Variants in NAV2 observed in about 807,000 individuals in gnomAD.
NAV2 encodes the protein helicase, APC down-regulated 1.
Under a neutral mutation model 223.2 loss-of-function variants are expected in NAV2, and 54 were observed. The ratio of observed to expected loss-of-function variants is 0.24; its 90% CI spans 0.19 to 0.30. The LOEUF is 0.30. NAV2 is among the 10% of genes least tolerant of loss of function. The pLI is 1.00. For synonymous variants in NAV2, 1,279 were observed against 1,239.3 expected (o/e 1.03, Z -0.67); for missense variants, 2,806 against 3,147.5 (o/e 0.89, Z 2.60).
intron 11 of NAV2, among the ~76,000 whole-genome samples, chr11:19,995,680 A>G (rs956458479): frequency 7.9e-5 from 12 of 152,162 alleles, no homozygotes; most frequent in African/African-American, 2.4e-4. Flanking sequence ...GACTTTTCTG[A>G]TGCTTTGGAG....
At chr11:19,485,336 T>A (rs2042407304) in intron 1 of NAV2, among the ~76,000 whole-genome samples, 2 of 152,140 alleles carry the variant, frequency 1.3e-5, no homozygotes, top group African/African-American at 4.8e-5. Flanking sequence ...TGACTTGAGA[T>A]ATCCAACTGG....
intron 1 of NAV2, among the ~76,000 whole-genome samples, chr11:19,758,593 T>G (rs7125983): frequency 0.98 from 148,821 of 152,314 alleles, 72,791 homozygotes; most frequent in East Asian, 1. Context: ...CCCAGGTGAC[T>G]CAGGGAAGGG....
At chr11:19,725,888 T>C (rs144477020) in intron 1 of NAV2, among the ~76,000 whole-genome samples, 2 of 152,354 alleles carry the variant, frequency 1.3e-5, no homozygotes, top group African/African-American at 4.8e-5. Flanking sequence ...CTCGCTACAT[T>C]CCATTGCTGT....
At chr11:19,461,798 TG>T (rs1165817922) in intron 1 of NAV2, among the ~76,000 whole-genome samples, 1 of 152,254 alleles carries the variant, frequency 6.6e-6, no homozygotes, top group African/African-American at 2.4e-5. Flanking sequence ...GAATGTTTTA[TG>T]AACCTTATAT....
intron 11 of NAV2, among the ~76,000 whole-genome samples, chr11:20,007,376 A>T (rs1591636060): frequency 6.6e-6 from 1 of 152,240 alleles, no homozygotes; most frequent in East Asian, 1.9e-4. Context: ...GACTCTGTTC[A>T]TATGCCCAGG....
At chr11:19,801,622 A>C (rs957424632) in intron 1 of NAV2, among the ~76,000 whole-genome samples, 2 of 152,044 alleles carry the variant, frequency 1.3e-5, no homozygotes, top group Non-Finnish European at 2.9e-5. Context: ...CCAGGCTAAC[A>C]CCATTGGGGA....
At chr11:19,618,032 A>C (rs1403969792) in intron 1 of NAV2, among the ~76,000 whole-genome samples, 2 of 152,160 alleles carry the variant, frequency 1.3e-5, no homozygotes, top group African/African-American at 2.4e-5. Flanking sequence ...TTTTTCCCTT[A>C]GTCATCATCT....
chr11:20,026,820 C>T (rs1289612143), intron 11 of NAV2, among the ~76,000 whole-genome samples: 2 of 152,212 alleles, frequency 1.3e-5, no homozygotes, highest in Non-Finnish European at 2.9e-5. Flanking sequence ...TTTCTCCAAT[C>T]CTCAATTGCC....
chr11:19,812,410 A>G (rs1471589488), intron 1 of NAV2, among the ~76,000 whole-genome samples: 3 of 151,840 alleles, frequency 2.0e-5, no homozygotes, highest in African/African-American at 2.4e-5. Context: ...ATTATTCTCT[A>G]ATATTAGTTT....
At chr11:19,821,998 A>C (rs1186368553) in intron 1 of NAV2, among the ~76,000 whole-genome samples, 3 of 152,168 alleles carry the variant, frequency 2.0e-5, no homozygotes, top group African/African-American at 7.2e-5. Flanking sequence ...TTTGAGCCTC[A>C]GTTTCCTCAT....
At chr11:19,784,200 C>T (rs570357678) in intron 1 of NAV2, among the ~76,000 whole-genome samples, 27 of 151,612 alleles carry the variant, frequency 1.8e-4, no homozygotes, top group Non-Finnish European at 3.5e-4. Context: ...ACCAGCCTGA[C>T]CAACATGGAG....
chr11:19,914,585 C>T (rs962154267), intron 6 of NAV2, among the ~76,000 whole-genome samples: 4 of 151,328 alleles, frequency 2.6e-5, no homozygotes, highest in Non-Finnish European at 5.9e-5. Context: ...TCGCCCAGGC[C>T]GGACTGCGGA....
Position 19,939,669 on chromosome 11 carries a change from CG to C in NAV2, c.2044del (p.Asp682ThrfsTer15). 6.2e-7 allele frequency: 1 copy of C among 1,613,890 alleles called. No individual in the cohort carries two copies. Among genetic ancestry groups the C allele is most frequent in the South Asian group, 1.1e-5 (1 of 91,048 alleles). On this transcript the variant is annotated frameshift_variant, in exon 8 of 38. Coordinates refer to ENST00000349880, the MANE Select transcript of NAV2 (RefSeq NM_145117.5). LOFTEE classifies it high-confidence loss of function. ...TCGGTTTGTGTGTGAAGGTCTCAGA[CG>C]GACACTGAAGGGAATGTTACTGCCG... ...TVAPFLYRSQ[T>X]DTEGNVTAES...
At chr11:20,029,331 T>C (rs1183902311) in intron 11 of NAV2, among the ~76,000 whole-genome samples, 1 of 152,222 alleles carries the variant, frequency 6.6e-6, no homozygotes, top group Non-Finnish European at 1.5e-5. Context: ...CTCTCCTTGC[T>C]CCTGGCTCTT....
At chr11:19,743,135 T>G (rs2152466436) in intron 1 of NAV2, among the ~76,000 whole-genome samples, 1 of 152,338 alleles carries the variant, frequency 6.6e-6, no homozygotes, top group East Asian at 1.9e-4. Flanking sequence ...ACAACCTATG[T>G]GAACTTGTTT....
intron 1 of NAV2, among the ~76,000 whole-genome samples, chr11:19,818,346 T>C (rs1001123524): frequency 6.8e-6 from 1 of 147,758 alleles, no homozygotes; most frequent in African/African-American, 2.5e-5. Flanking sequence ...ACTTGCCAAT[T>C]ACCATGGTGT....
intron 10 of NAV2, among the ~76,000 whole-genome samples, chr11:19,964,115 T>C (rs2048559342): frequency 6.6e-6 from 1 of 152,176 alleles, no homozygotes; most frequent in Admixed American, 6.5e-5. Context: ...TGCCTTACTC[T>C]TTGGGAGTTG....
Position 19,713,462 on chromosome 11 carries a change from G to A in NAV2, c.-234G>A. 7.5e-7 allele frequency: 1 copy of A among 1,334,960 alleles called. No individual in the cohort carries two copies. The highest frequency in any genetic ancestry group is 9.5e-7 in the Non-Finnish European group (1 of 1,048,916). The allele number at this position is 1,334,960 out of a possible 1,614,324, so 82.7% of individuals were successfully genotyped here. Reference sequence around the variant, plus strand: ...GAGACCCGGCGGCAGCATCCGTCCAGGTGGGACCCGCTGAGCGCCGTGGCC... The same window carrying A: ...GAGACCCGGCGGCAGCATCCGTCCAAGTGGGACCCGCTGAGCGCCGTGGCC... On this transcript the variant is annotated 5_prime_UTR_variant, in exon 1 of 38. Coordinates refer to ENST00000349880, the MANE Select transcript of NAV2 (RefSeq NM_145117.5). The surrounding 1 kb of genome is among the most constrained non-coding windows in gnomAD (Gnocchi z 7.2).
chr11:20,065,643 T>G (rs1055619416), intron 20 of NAV2, among the ~76,000 whole-genome samples: 3 of 152,184 alleles, frequency 2.0e-5, no homozygotes, highest in African/African-American at 4.8e-5. Context: ...AAGCACATGC[T>G]TTCTCTAGGC....
Sources: gnomAD v4.1 joint callset for allele counts (sites outside exome capture counted in the v4.1 genomes callset) on GRCh38, gnomAD v4.1.1 for gene constraint, Gnocchi (gnomAD v3.1) non-coding constraint, MANE v1.5 for transcripts, NCBI Gene and HGNC (gene_info 2026-07-23, HGNC 2026-07-21) for gene names.